The following CERT1 variants were observed in gnomAD, a reference collection of about 807,000 sequenced individuals.
CERT1 encodes ceramide transfer protein.
CERT1 carries 31 observed loss-of-function variants against 87.9 expected under a neutral mutation model. The ratio of observed to expected loss-of-function variants is 0.35; its 90% CI spans 0.27 to 0.48. The LOEUF (loss-of-function observed/expected upper bound fraction) is 0.48, where lower values mean the gene tolerates loss of function less well. CERT1 is among the 20% of genes least tolerant of loss of function. The probability of loss-of-function intolerance (pLI) is 0.99; values close to 1 mark genes in which losing one functional copy is unlikely to be tolerated. For missense variants in CERT1, 487 were observed against 758.0 expected (o/e 0.64, Z 4.20); for synonymous variants, 289 against 250.9 (o/e 1.15, Z -1.44).
intron 8 of CERT1, among the ~76,000 whole-genome samples, chr5:75,407,018 G>T (rs1762734141): frequency 6.6e-6 from 1 of 152,066 alleles, no homozygotes; most frequent in African/African-American, 2.4e-5. Context: ...CTATAATATT[G>T]TTACAAGAAA....
chr5:75,462,258 C>T (rs1030970084), intron 2 of CERT1, among the ~76,000 whole-genome samples: 1 of 152,184 alleles, frequency 6.6e-6, no homozygotes, highest in African/African-American at 2.4e-5. Context: ...AGTCCACAAA[C>T]TTTTTGGGAC....
At chr5:75,506,222 A>G (rs1460561770) in intron 1 of CERT1, 106 bp from the exon 2 acceptor site, 1 of 1,058,812 alleles carries the variant, frequency 9.4e-7, no homozygotes, top group Non-Finnish European at 1.4e-6. Flanking sequence ...CCAAAACGTG[A>G]AAAGTCCAAC....
chr5:75,495,338 C>T (rs1400794486), intron 2 of CERT1, among the ~76,000 whole-genome samples: 1 of 152,140 alleles, frequency 6.6e-6, no homozygotes, highest in Non-Finnish European at 1.5e-5. Context: ...AGGCAAATTG[C>T]TTGAGTCTAG....
At chr5:75,486,900 A>C (rs752185834) in intron 2 of CERT1, among the ~76,000 whole-genome samples, 1 of 152,158 alleles carries the variant, frequency 6.6e-6, no homozygotes, top group Non-Finnish European at 1.5e-5. Context: ...TAAAATGTCC[A>C]TACTACCCAA....
At position 75,422,442 on chromosome 5, in the gene CERT1, C is replaced by T. The variant is rs558104919; in HGVS notation, c.595+2919G>A. 4.6e-5 allele frequency among the ~76,000 whole-genome samples: 7 copies of T among 152,224 alleles called. No homozygotes were observed. In the East Asian group the frequency reaches 1.2e-3, roughly 25 times the overall value. ...ACAAGCCTGGGCAACATGGCAAAAC[C>T]CTGTCTCTACAAAAAATACAACAAT... is the stretch of plus-strand genomic sequence containing the variant. On this transcript the variant is annotated intron_variant, in intron 5 of 16. Transcript: ENST00000643780.
intron 2 of CERT1, among the ~76,000 whole-genome samples, chr5:75,501,220 C>T (rs145342047): frequency 6.6e-6 from 1 of 152,146 alleles, no homozygotes; most frequent in Non-Finnish European, 1.5e-5. Flanking sequence ...CTTTCAACTT[C>T]CGCTCTTGCA....
chr5:75,468,344 C>T (rs1580813722), intron 2 of CERT1, among the ~76,000 whole-genome samples: 2 of 152,148 alleles, frequency 1.3e-5, no homozygotes, highest in Admixed American at 6.5e-5. Flanking sequence ...CTCCCACAAT[C>T]CTACTCAGCA....
intron 7 of CERT1, 75 bp downstream of exon 7, chr5:75,416,801 G>T: frequency 7.8e-7 from 1 of 1,282,172 alleles, no homozygotes; most frequent in Non-Finnish European, 1.1e-6. Context: ...TAAGAAGTTA[G>T]CTTGTTTTAA....
intron 11 of CERT1, among the ~76,000 whole-genome samples, chr5:75,395,824 T>C (rs1762228661): frequency 6.6e-6 from 1 of 152,068 alleles, no homozygotes; most frequent in Admixed American, 6.6e-5. Flanking sequence ...CACTACAGCC[T>C]GGGTGACAGA....
chr5:75,482,803 C>G (rs1477788767), intron 2 of CERT1, among the ~76,000 whole-genome samples: 1 of 152,184 alleles, frequency 6.6e-6, no homozygotes, highest in Non-Finnish European at 1.5e-5. Flanking sequence ...CTGCAAGAGT[C>G]ACAGCATTAC....
chr5:75,486,048 A>G (rs1766508552), intron 2 of CERT1, among the ~76,000 whole-genome samples: 2 of 152,092 alleles, frequency 1.3e-5, no homozygotes, highest in South Asian at 4.1e-4. Context: ...AAGACACATC[A>G]AACAAAGAAA....
chr5:75,457,982 GTA>G (rs919398393), intron 3 of CERT1, among the ~76,000 whole-genome samples: 14 of 143,218 alleles, frequency 9.8e-5, no homozygotes, highest in Non-Finnish European at 1.7e-4. Flanking sequence ...TGTGTGTGTG[GTA>G]TGTGTGTGTG....
At chr5:75,490,185 G>C (rs375180210) in intron 2 of CERT1, among the ~76,000 whole-genome samples, 2 of 152,104 alleles carry the variant, frequency 1.3e-5, no homozygotes, top group Non-Finnish European at 2.9e-5. Flanking sequence ...ATCACACGCC[G>C]GGGCCTGTCG....
chr5:75,408,164 C>A (rs180755046), intron 8 of CERT1, among the ~76,000 whole-genome samples: 1,985 of 152,184 alleles, frequency 0.013, 13 homozygotes, highest in Non-Finnish European at 0.02. Flanking sequence ...TATTAGGGGT[C>A]TGAAGGAACT....
At chr5:75,397,643 G>A (rs1209620999) in intron 11 of CERT1, among the ~76,000 whole-genome samples, 1 of 152,154 alleles carries the variant, frequency 6.6e-6, no homozygotes, top group African/African-American at 2.4e-5. Flanking sequence ...TTAATGCAAT[G>A]TGGAGCTTAG....
intron 2 of CERT1, among the ~76,000 whole-genome samples, chr5:75,460,331 T>C (rs1200285648): frequency 2.0e-5 from 3 of 152,126 alleles, no homozygotes; most frequent in Non-Finnish European, 2.9e-5. Flanking sequence ...ATGTCTTTGA[T>C]AGTAACAACC....
chr5:75,399,166 G>A, intron 11 of CERT1, 144 bp downstream of exon 11: 5 of 633,844 alleles, frequency 7.9e-6, no homozygotes, highest in Non-Finnish European at 1.4e-5. Context: ...AGTAGACAAG[G>A]AAGACCTTTT....
intron 1 of CERT1, among the ~76,000 whole-genome samples, chr5:75,510,506 A>C (rs538562849): frequency 1.1e-4 from 16 of 152,168 alleles, no homozygotes; most frequent in Non-Finnish European, 1.3e-4. Context: ...ACATGTTCCA[A>C]GTTACTATGA....
At chr5:75,423,245 A>C (rs1763461629) in intron 5 of CERT1, among the ~76,000 whole-genome samples, 1 of 152,224 alleles carries the variant, frequency 6.6e-6, no homozygotes, top group Admixed American at 6.5e-5. Context: ...GGTATGGACC[A>C]TTAAGATAAA....
Sources: allele counts gnomAD v4.1 joint callset (sites outside exome capture counted in the v4.1 genomes callset), GRCh38; gene constraint gnomAD v4.1.1; transcripts MANE v1.5; gene names NCBI Gene and HGNC (gene_info 2026-07-23, HGNC 2026-07-21).